The following MTUS2 variants were observed in gnomAD, a reference collection of about 807,000 sequenced individuals.
The protein encoded by MTUS2 is microtubule associated scaffold protein 2.
MTUS2 carries 40 observed loss-of-function variants against 114.1 expected under a neutral mutation model. The observed-to-expected ratio is 0.35, with a 90% confidence interval of 0.27 to 0.46. The LOEUF (loss-of-function observed/expected upper bound fraction) is 0.46. Ranked by LOEUF, MTUS2 falls within the 20% of genes least tolerant of loss-of-function variation. The pLI is 1.00. For synonymous variants in MTUS2, 688 were observed against 672.0 expected, an observed-to-expected ratio of 1.02 and a Z score of -0.37; for missense variants, 1,679 against 1,705.4, an observed-to-expected ratio of 0.98 and a Z score of 0.27.
intron 5 of MTUS2, among the ~76,000 whole-genome samples, chr13:29,164,471 G>A (rs1893231947): frequency 6.6e-6 from 1 of 152,226 alleles, no homozygotes; most frequent in South Asian, 2.1e-4. Context: ...GATTGTAAAT[G>A]TCTGTGGCAC....
At chr13:28,988,688 G>A (rs1471451671) in intron 2 of MTUS2, among the ~76,000 whole-genome samples, 4 of 152,058 alleles carry the variant, frequency 2.6e-5, no homozygotes, top group Non-Finnish European at 5.9e-5. Context: ...CTTTTAACAC[G>A]AAAATGTTAA....
intron 9 of MTUS2, among the ~76,000 whole-genome samples, chr13:29,458,763 C>G (rs570380621): frequency 6.6e-6 from 1 of 152,350 alleles, no homozygotes; most frequent in Non-Finnish European, 1.5e-5. Context: ...TAAAACATAT[C>G]TCTGCTTCTC....
At chr13:29,475,367 A>G (rs1235045630) in intron 9 of MTUS2, among the ~76,000 whole-genome samples, 3 of 152,314 alleles carry the variant, frequency 2.0e-5, no homozygotes, top group East Asian at 3.9e-4. Flanking sequence ...TGGTTTATGT[A>G]TTTACTATGC....
rs184095923 is a variant in MTUS2, at chr13:29,340,680, G to A, written c.2905+15969G>A. ...AAAATTATTTCAGTAGTTTTTGGGG[G>A]AAAGGTGATGTTTGGTTATATGTAT... On this transcript the variant is annotated intron_variant, in intron 7 of 15. Transcript: ENST00000612955. 2.6e-3 allele frequency among the ~76,000 whole-genome samples: 403 copies of A among 152,144 alleles called. 1 individual carries two copies. Among genetic ancestry groups the A allele is most frequent in the Middle Eastern group, 0.01 (3 of 294 alleles).
At chr13:29,389,759 G>A (rs199553398) in intron 8 of MTUS2, among the ~76,000 whole-genome samples, 2,685 of 9,690 alleles carry the variant, frequency 0.28, 960 homozygotes, top group Non-Finnish European at 0.67. Context: ...ACATATGTGT[G>A]TATATGTATA....
At chr13:29,286,603 A>G (rs1157426326) in intron 6 of MTUS2, among the ~76,000 whole-genome samples, 1 of 152,024 alleles carries the variant, frequency 6.6e-6, no homozygotes, top group Non-Finnish European at 1.5e-5. Context: ...TGCTTTTCCA[A>G]GTGTTTCTGC....
At chr13:29,155,515 A>G (rs9508301) in intron 5 of MTUS2, among the ~76,000 whole-genome samples, 60,712 of 152,038 alleles carry the variant, frequency 0.4, 13,944 homozygotes, top group Non-Finnish European at 0.48. Context: ...TGGGAAGAGC[A>G]GGGTGGAGAG....
chr13:29,104,579 C>T (rs1890575311), intron 5 of MTUS2, among the ~76,000 whole-genome samples: 1 of 152,112 alleles, frequency 6.6e-6, no homozygotes, highest in Admixed American at 6.5e-5. Flanking sequence ...TCTATGAGTT[C>T]AGATTGCCTC....
intron 5 of MTUS2, among the ~76,000 whole-genome samples, chr13:29,104,836 T>C (rs1890587313): frequency 6.6e-6 from 1 of 152,220 alleles, no homozygotes; most frequent in African/African-American, 2.4e-5. Flanking sequence ...AACATATCGG[T>C]CTGACCCAGG....
rs1012461748 is a variant in MTUS2 at position 29,135,495 on chromosome 13, C to A, written c.2644+34525C>A. Among the ~76,000 whole-genome samples the A allele has an allele frequency of 5.3e-5, 8 of 152,150 alleles. No homozygotes were observed. In the South Asian group the frequency reaches 8.3e-4, roughly 16 times the overall value. ...TGTTTTTTATCCATTCTGTCAGTCT[C>A]TTTTGATTGGAGAGTTTAATCCATT... On this transcript the variant is annotated intron_variant, in intron 5 of 15. Transcript: ENST00000612955.
intron 2 of MTUS2, among the ~76,000 whole-genome samples, chr13:28,920,375 C>A (rs796483898): frequency 4.1e-4 from 62 of 152,290 alleles, no homozygotes; most frequent in African/African-American, 1.5e-3. Flanking sequence ...GGATTCCAGG[C>A]AGAGTCTTGT....
intron 3 of MTUS2, among the ~76,000 whole-genome samples, chr13:29,027,332 T>C (rs1385743313): frequency 2.6e-5 from 4 of 152,228 alleles, no homozygotes; most frequent in African/African-American, 7.2e-5. Context: ...GTATCTCTTA[T>C]TCGCATGCGT....
intron 7 of MTUS2, among the ~76,000 whole-genome samples, chr13:29,348,311 A>G (rs539969323): frequency 8.3e-4 from 127 of 152,172 alleles, no homozygotes; most frequent in African/African-American, 3.0e-3. Flanking sequence ...GATCAAAACC[A>G]AATGTTAGAA....
intron 6 of MTUS2, among the ~76,000 whole-genome samples, chr13:29,319,323 C>T (rs1364031166): frequency 6.6e-6 from 1 of 152,134 alleles, no homozygotes; most frequent in Non-Finnish European, 1.5e-5. Flanking sequence ...GCACGACTGT[C>T]CCCCAGGGGG....
At chr13:28,955,862 T>C (rs560632892) in intron 2 of MTUS2, among the ~76,000 whole-genome samples, 31 of 151,888 alleles carry the variant, frequency 2.0e-4, no homozygotes, top group Non-Finnish European at 8.8e-5. Context: ...TGGACCATCA[T>C]GGGAACTTTA....
intron 2 of MTUS2, among the ~76,000 whole-genome samples, chr13:28,895,892 G>A (rs1261962113): frequency 6.6e-6 from 1 of 152,196 alleles, no homozygotes; most frequent in Non-Finnish European, 1.5e-5. Context: ...AGATGGTGCA[G>A]ATGTAGGATA....
intron 2 of MTUS2, among the ~76,000 whole-genome samples, chr13:28,889,532 T>C (rs1878791744): frequency 6.6e-6 from 1 of 152,150 alleles, no homozygotes; most frequent in Non-Finnish European, 1.5e-5. Context: ...AGCATGGGTG[T>C]GTCTCTTTTT....
chr13:28,839,247 A>G (rs1375839820), intron 1 of MTUS2, among the ~76,000 whole-genome samples: 2 of 152,278 alleles, frequency 1.3e-5, no homozygotes, highest in East Asian at 3.9e-4. Flanking sequence ...CGATTTAATT[A>G]ATATTAATGT....
intron 6 of MTUS2, among the ~76,000 whole-genome samples, chr13:29,306,043 TTATCTC>T (rs2139622678): frequency 6.6e-6 from 1 of 152,350 alleles, no homozygotes; most frequent in Admixed American, 6.5e-5. Context: ...ACCCTCATGA[TTATCTC>T]TAATAGATTC....
Sources: gnomAD v4.1 joint callset for allele counts (sites outside exome capture counted in the v4.1 genomes callset) on GRCh38, gnomAD v4.1.1 for gene constraint, MANE v1.5 for transcripts, NCBI Gene and HGNC (gene_info 2026-07-23, HGNC 2026-07-21) for gene names.